FYB1: variants seen among roughly 807,000 people sequenced by gnomAD.
FYB1 encodes the protein FYN binding protein 1.
In FYB1, 41 loss-of-function variants were observed where a neutral mutation model predicts 94.1. The observed-to-expected ratio is 0.44, with a 90% CI of 0.34 to 0.57. The LOEUF is 0.57. Among genes scored for constraint, FYB1 ranks in the 20% least tolerant of loss-of-function variants. The pLI, the probability that FYB1 is intolerant of heterozygous loss-of-function variation, is 0.02. For missense variants in FYB1, 1,050 were observed against 976.8 expected (o/e 1.07, Z -1.00); for synonymous variants, 367 against 353.2 (o/e 1.04, Z -0.44).
chr5:39,196,350 C>T (rs182556239), intron 2 of FYB1, among the ~76,000 whole-genome samples: 2 of 151,634 alleles, frequency 1.3e-5, no homozygotes, highest in Admixed American at 6.6e-5. Context: ...CTGGGAGGTG[C>T]GCACCACTAT....
intron 1 of FYB1, among the ~76,000 whole-genome samples, chr5:39,241,047 C>T (rs1642533): frequency 0.035 from 5,388 of 152,198 alleles, 352 homozygotes; most frequent in African/African-American, 0.12. Flanking sequence ...GGTTATAATC[C>T]TAAGTGAACT....
chr5:39,224,083 T>C (rs969033274), upstream of FYB1, among the ~76,000 whole-genome samples: 5 of 152,168 alleles, frequency 3.3e-5, no homozygotes, highest in African/African-American at 4.8e-5. Context: ...CTAGCAATTA[T>C]ATTTTTCCAC....
chr5:39,249,393 T>C (rs1193412176), intron 1 of FYB1, among the ~76,000 whole-genome samples: 2 of 152,240 alleles, frequency 1.3e-5, no homozygotes, highest in Non-Finnish European at 2.9e-5. Flanking sequence ...ATATACAGTA[T>C]GTTAATGTGT....
At chr5:39,177,125 A>G (rs2150412863) in intron 2 of FYB1, among the ~76,000 whole-genome samples, 1 of 152,306 alleles carries the variant, frequency 6.6e-6, no homozygotes, top group African/African-American at 2.4e-5. Flanking sequence ...ATTTCCAGGC[A>G]TTGGTAGCTC....
At chr5:39,219,376 G>A in intron 1 of FYB1, 67 bp downstream of exon 1, 3 of 940,236 alleles carry the variant, frequency 3.2e-6, no homozygotes, top group Non-Finnish European at 3.8e-6. Context: ...TTTGGAAGTG[G>A]TGCTTTTTTC....
chr5:39,241,827 GCTC>G, intron 1 of FYB1, among the ~76,000 whole-genome samples: 1 of 92,502 alleles, frequency 1.1e-5, no homozygotes, highest in East Asian at 5.1e-4. Flanking sequence ...TACAGTTTAA[GCTC>G]TTTTTTTTTT....
intron 1 of FYB1, among the ~76,000 whole-genome samples, chr5:39,250,056 T>G (rs1311931839): frequency 2.0e-5 from 3 of 152,144 alleles, no homozygotes; most frequent in Non-Finnish European, 1.5e-5. Context: ...TCTCTTTCTC[T>G]CCCCTGCTGC....
intron 1 of FYB1, among the ~76,000 whole-genome samples, chr5:39,261,153 A>C (rs1329174591): frequency 6.6e-6 from 1 of 151,992 alleles, no homozygotes; most frequent in African/African-American, 2.4e-5. Flanking sequence ...AGGGAGGGGA[A>C]CAACACACAC....
At chr5:39,132,462 G>A (rs1019089459) in intron 9 of FYB1, among the ~76,000 whole-genome samples, 1 of 152,054 alleles carries the variant, frequency 6.6e-6, no homozygotes, top group East Asian at 1.9e-4. Flanking sequence ...AAATATTGTG[G>A]GGCTATACTT....
chr5:39,173,677 A>C (rs1321578350), intron 2 of FYB1, among the ~76,000 whole-genome samples: 3 of 152,128 alleles, frequency 2.0e-5, no homozygotes, highest in Non-Finnish European at 4.4e-5. Context: ...CATTTATCTC[A>C]GTATCATTTA....
chr5:39,157,688 T>C (rs1743876346), intron 2 of FYB1, among the ~76,000 whole-genome samples: 2 of 152,170 alleles, frequency 1.3e-5, no homozygotes, highest in Admixed American at 1.3e-4. Flanking sequence ...AAAACTCTGA[T>C]CTAATTATGG....
At chr5:39,235,172 G>A (rs758439793) in intron 1 of FYB1, among the ~76,000 whole-genome samples, 9 of 151,872 alleles carry the variant, frequency 5.9e-5, no homozygotes, top group African/African-American at 9.7e-5. Context: ...GCGGGGTAGT[G>A]GAATTGTTTC....
chr5:39,242,660 T>C (rs190465093), intron 1 of FYB1, among the ~76,000 whole-genome samples: 1 of 152,130 alleles, frequency 6.6e-6, no homozygotes, highest in African/African-American at 2.4e-5. Context: ...TACCCAGTAA[T>C]GGGATGGCTG....
intron 3 of FYB1, among the ~76,000 whole-genome samples, chr5:39,142,066 T>A (rs1461885421): frequency 2.6e-5 from 4 of 152,204 alleles, no homozygotes; most frequent in Admixed American, 2.6e-4. Flanking sequence ...TGACCATTTA[T>A]ATTTTCTATT....
chr5:39,162,897 T>C (rs1744389558), intron 2 of FYB1, among the ~76,000 whole-genome samples: 1 of 152,166 alleles, frequency 6.6e-6, no homozygotes, highest in Admixed American at 6.5e-5. Context: ...ATAAGACATT[T>C]TATTTGTGTG....
intron 3 of FYB1, 69 bp downstream of exon 3, chr5:39,153,379 G>C (rs1743427121): frequency 6.4e-7 from 1 of 1,566,424 alleles, no homozygotes; most frequent in Non-Finnish European, 8.8e-7. Flanking sequence ...CTCAGCATTT[G>C]ACCAAGCACA....
chr5:39,137,647 G>A lies in FYB1; in HGVS notation c.1468C>T (p.Gln490Ter). ...KKRLELEKKEQKEKEKKEQEI... is the reference protein window; with the variant it reads ...KKRLELEKKE ...TGTTCTTTCTTTTCTTTCTCTTTCT[G>A]TTCCTTTTTCTCCAGCTCTAACCTC... The change falls in exon 7 of 19, where the codon CAG becomes TAG. Residue 490 changes from glutamine (Q) to a stop codon, truncating the protein, a stop_gained. Transcript: ENST00000512982. LOFTEE classifies it high-confidence loss of function. 1 of 1,533,380 alleles carries A rather than the reference G, an allele frequency of 6.5e-7. No individual in the cohort carries two copies. Among genetic ancestry groups the A allele is most frequent in the Non-Finnish European group, 8.8e-7 (1 of 1,131,334 alleles). The allele number at this position is 1,533,380 out of a possible 1,614,324, so 95.0% of individuals were successfully genotyped here.
At chr5:39,169,913 C>T (rs146548113) in intron 2 of FYB1, 80 of 618,962 alleles carry the variant, frequency 1.3e-4, no homozygotes, top group African/African-American at 1.2e-3. Context: ...TTGATTTCCA[C>T]CCTCCCAGTA....
At chr5:39,108,095 A>T in intron 18 of FYB1, 136 bp downstream of exon 18, 1 of 798,688 alleles carries the variant, frequency 1.3e-6, no homozygotes, top group Non-Finnish European at 1.9e-6. Flanking sequence ...CAGGGCATTT[A>T]CCTTTTCTAA....
Sources: allele counts gnomAD v4.1 joint callset (sites outside exome capture counted in the v4.1 genomes callset), GRCh38; gene constraint gnomAD v4.1.1; transcripts MANE v1.5; gene names NCBI Gene and HGNC (gene_info 2026-07-23, HGNC 2026-07-21).